The following CATIP variants were observed in gnomAD, a reference collection of about 807,000 sequenced individuals.
CATIP encodes the protein ciliogenesis-associated TTC17-interacting protein.
CATIP carries 40 observed loss-of-function variants against 42.5 expected under a neutral mutation model. The observed-to-expected ratio is 0.94, with a 90% CI of 0.73 to 1.22. The LOEUF (loss-of-function observed/expected upper bound fraction) is 1.22. Ranked by LOEUF, CATIP falls within the 50% of genes most tolerant of loss-of-function variation. CATIP has a pLI of 0.00. For missense variants in CATIP, 489 were observed against 496.0 expected (o/e 0.99, Z 0.13); for synonymous variants, 222 against 200.2 (o/e 1.11, Z -0.92).
In CATIP at chr2:218,357,167, T is replaced by A. The variant is rs201415961; in HGVS notation, c.98T>A (p.Ile33Asn). Residue 33 changes from isoleucine (I) to asparagine (N), a missense_variant, in exon 2 of 10, where the codon ATC becomes AAC. By Grantham distance (149) the Ile-to-Asn change is moderately radical. Transcript: ENST00000289388. ...LPLPEANAEA[I>N]DFLSSLHKEE... ...CTCCCAGAGGCCAATGCTGAAGCCA[T>A]CGACTTCCTCAGCTCCCTCCGTGAG... 1.2e-4 allele frequency: 197 copies of A among 1,613,624 alleles called. 1 individual carries two copies. The East Asian group carries it at 4.2e-3, about 35-fold the overall frequency.
At chr2:218,360,892 G>A (rs950013701) in intron 5 of CATIP, among the ~76,000 whole-genome samples, 18 of 149,366 alleles carry the variant, frequency 1.2e-4, no homozygotes, top group African/African-American at 4.0e-4. Flanking sequence ...GTGCAATGAC[G>A]TGATCTCGGC....
At chr2:218,360,272 C>T (rs531625024) in intron 4 of CATIP, among the ~76,000 whole-genome samples, 1 of 152,260 alleles carries the variant, frequency 6.6e-6, no homozygotes, top group South Asian at 2.1e-4. Context: ...CTGCCTCAGC[C>T]TCCCAAGTAG....
At chr2:218,356,998 TG>T in intron 1 of CATIP, 89 bp downstream of exon 1, 3 of 1,586,432 alleles carry the variant, frequency 1.9e-6, no homozygotes, top group Middle Eastern at 3.4e-4. Context: ...ATTCTGTTCT[TG>T]GGTGCTGGGG....
chr2:218,366,995 T>C (rs185908310), intron 7 of CATIP, 29 bp from the exon 8 acceptor site: 8 of 1,579,266 alleles, frequency 5.1e-6, no homozygotes, highest in Non-Finnish European at 7.0e-6. Flanking sequence ...GGGAAGATTC[T>C]CACTCTCACA....
chr2:218,362,408 G>A (rs184302931), intron 5 of CATIP, among the ~76,000 whole-genome samples: 4 of 151,362 alleles, frequency 2.6e-5, no homozygotes, highest in Non-Finnish European at 4.4e-5. Context: ...GGGAGGCAGA[G>A]GGGGCCTATC....
chr2:218,359,680 A>C (rs1423512164), intron 4 of CATIP, among the ~76,000 whole-genome samples: 1 of 151,922 alleles, frequency 6.6e-6, no homozygotes, highest in Non-Finnish European at 1.5e-5. Context: ...CACCTGGCCC[A>C]CCCCCATCTT....
intron 4 of CATIP, among the ~76,000 whole-genome samples, chr2:218,358,423 T>A (rs1490429573): frequency 6.6e-6 from 1 of 151,780 alleles, no homozygotes. Context: ...TAGCCAGGCA[T>A]GGTGGTGCAC....
At chr2:218,366,839 C>G (rs1444432797) in intron 7 of CATIP, 185 bp from the exon 8 acceptor site, 6 of 616,222 alleles carry the variant, frequency 9.7e-6, no homozygotes, top group Non-Finnish European at 1.8e-5. Flanking sequence ...TGGCATCACC[C>G]TTTTCTCATA....
At chr2:218,364,090 T>C (rs1309270018) in intron 6 of CATIP, among the ~76,000 whole-genome samples, 3 of 152,222 alleles carry the variant, frequency 2.0e-5, no homozygotes, top group African/African-American at 7.2e-5. Context: ...CAGGCTTGTC[T>C]ATCAAAACAC....
At chr2:218,365,786 C>CTCCT (rs926364373) in intron 7 of CATIP, 1 of 151,488 alleles carries the variant, frequency 6.6e-6, no homozygotes, top group African/African-American at 2.4e-5. Flanking sequence ...TTCTTTCTTT[C>CTCCT]TCCTTCCTTC....
At chr2:218,360,456 CTT>C in intron 4 of CATIP, 115 bp from the exon 5 acceptor site, 1 of 742,218 alleles carries the variant, frequency 1.3e-6, no homozygotes, top group South Asian at 1.8e-5. Context: ...GGCCCGGCTG[CTT>C]TTTTTTTAAG....
At position 218,367,980 on chromosome 2, in the gene CATIP, G is replaced by A. The variant is rs1204998652; in HGVS notation, c.*16G>A. On this transcript the variant is annotated 3_prime_UTR_variant, in exon 10 of 10. Coordinates refer to ENST00000289388, the MANE Select transcript of CATIP (RefSeq NM_198559.2). ...GGCGGCCTAAGCGGGGCCCAGGCCC[G>A]GACAGGGCAGGAAACCAGGGGTCGG... 6 of 1,542,578 alleles carry A rather than the reference G, an allele frequency of 3.9e-6. No individual in the cohort carries two copies. In the Admixed American group the frequency reaches 5.9e-5, roughly 15 times the overall value.
At chr2:218,358,296 C>T (rs1489047994) in intron 4 of CATIP, among the ~76,000 whole-genome samples, 2 of 152,184 alleles carry the variant, frequency 1.3e-5, no homozygotes, top group Admixed American at 1.3e-4. Context: ...GGGCTGGGCA[C>T]AGTGGTTCAC....
intron 4 of CATIP, among the ~76,000 whole-genome samples, chr2:218,360,072 C>G (rs1177926169): frequency 6.6e-6 from 1 of 152,054 alleles, no homozygotes; most frequent in Non-Finnish European, 1.5e-5. Flanking sequence ...GTGATCTGCC[C>G]GCCTGGGCCT....
intron 4 of CATIP, 115 bp downstream of exon 4, chr2:218,358,207 A>G (rs933437456): frequency 6.3e-6 from 5 of 796,858 alleles, no homozygotes; most frequent in Non-Finnish European, 1.0e-5. Flanking sequence ...GTGAAGCTGA[A>G]GAATAGCAAT....
At position 218,363,970 on chromosome 2, in the gene CATIP, G is replaced by A. The variant is rs1695333026; in HGVS notation, c.631-658G>A. On this transcript the variant is annotated intron_variant, in intron 6 of 9. Transcript: ENST00000289388. ...AAAATTTCATAATCAGCATGCCTAG[G>A]ACTTCCTGCAATCAGTGATTTTAAA... Among the ~76,000 whole-genome samples, 3 of 152,112 alleles carry A rather than the reference G, an allele frequency of 2.0e-5. No homozygotes were observed. The South Asian group carries it at 6.2e-4, about 32-fold the overall frequency.
chr2:218,365,592 C>T (rs1271273112), intron 7 of CATIP: 1 of 152,046 alleles, frequency 6.6e-6, no homozygotes, highest in African/African-American at 2.4e-5. Context: ...TTGGCTTTAT[C>T]TCATAACTTA....
At chr2:218,367,289 T>G in intron 8 of CATIP, 141 bp from the exon 9 acceptor site, 2 of 849,740 alleles carry the variant, frequency 2.4e-6, no homozygotes, top group Non-Finnish European at 3.8e-6. Context: ...CTACTGGAAG[T>G]CCCTTCCTGC....
In CATIP at chr2:218,367,525, G is replaced by A. The variant is rs748880242; in HGVS notation, c.921+7G>A. 6.2e-6 allele frequency: 10 copies of A among 1,613,768 alleles called. No homozygotes were observed. The highest frequency in any genetic ancestry group is 2.7e-5 in the African/African-American group (2 of 74,926). Reference sequence around the variant, plus strand: ...GAAGTTCCTGGACCGGAAGGTGAGGGGAGGCTCCACCAGCCTGGGGTTCCC... The same window carrying A: ...GAAGTTCCTGGACCGGAAGGTGAGGAGAGGCTCCACCAGCCTGGGGTTCCC... On this transcript the variant is annotated splice_region_variant and intron_variant, in intron 9 of 9. Coordinates refer to ENST00000289388, the MANE Select transcript of CATIP (RefSeq NM_198559.2).
Sources: gnomAD v4.1 joint callset for allele counts (sites outside exome capture counted in the v4.1 genomes callset) on GRCh38, gnomAD v4.1.1 for gene constraint, MANE v1.5 for transcripts, NCBI Gene and HGNC (gene_info 2026-07-23, HGNC 2026-07-21) for gene names.